The following LPP variants were observed in gnomAD, a reference collection of about 807,000 sequenced individuals.
LPP encodes the protein LIM domain containing preferred translocation partner in lipoma.
Under a neutral mutation model 60.4 loss-of-function variants are expected in LPP, and 38 were observed. The observed-to-expected ratio is 0.63, with a 90% CI of 0.49 to 0.83. The LOEUF (loss-of-function observed/expected upper bound fraction) is 0.83, where lower values mean the gene tolerates loss of function less well. Among genes scored for constraint, LPP ranks in the 40% least tolerant of loss-of-function variants. The pLI, the probability that LPP is intolerant of heterozygous loss-of-function variation, is 0.00. For missense variants in LPP, 902 were observed against 783.6 expected (o/e 1.15, Z -1.80); for synonymous variants, 328 against 290.8 (o/e 1.13, Z -1.30).
intron 5 of LPP, among the ~76,000 whole-genome samples, chr3:188,509,624 C>CCCTTCCTTCCTTCCTTCCTT (rs1166656652): frequency 8.6e-6 from 1 of 116,872 alleles, no homozygotes; most frequent in Non-Finnish European, 1.8e-5. Flanking sequence ...TTTTTTTGTC[C>CCCTTCCTTCCTTCCTTCCTT]CCTTCCTTCC....
intron 4 of LPP, among the ~76,000 whole-genome samples, chr3:188,412,113 A>G (rs1415265205): frequency 6.6e-6 from 1 of 152,122 alleles, no homozygotes; most frequent in Non-Finnish European, 1.5e-5. Flanking sequence ...GTGGCCTAGA[A>G]TTCACTTTCT....
At position 188,609,930 on chromosome 3, in the gene LPP, G is replaced by A. The variant is rs1843335449; in HGVS notation, c.1113+86G>A. On this transcript the variant is annotated intron_variant, in intron 7 of 11. Transcript: ENST00000617246. This position sits in a 1 kb window ranked among gnomAD's most constrained non-coding sequence, Gnocchi z 6.9. ...CCAGGAAGCGAAGCCTAAGGCAAAA[G>A]TGTGTGTGTTACTTTTATTTCACTG... is the stretch of plus-strand genomic sequence containing the variant. The A allele has an allele frequency of 3.1e-6, 4 of 1,278,046 alleles. No individual in the cohort carries two copies. Among genetic ancestry groups the A allele is most frequent in the Non-Finnish European group, 4.3e-6 (4 of 925,464 alleles). The allele number at this position is 1,278,046 out of a possible 1,614,324, so 79.2% of individuals were successfully genotyped here.
Position 188,888,000 on chromosome 3 carries a change from G to A in LPP, c.*13521G>A. On this transcript the variant is annotated 3_prime_UTR_variant, in exon 12 of 12. Transcript: ENST00000617246. ...ATAGAATTAAACATGACACTTGATTGTCTGATTATTTGGCATGTATAAAAT... is the reference window on the plus strand; with the variant it reads ...ATAGAATTAAACATGACACTTGATTATCTGATTATTTGGCATGTATAAAAT... 4.7e-6 allele frequency: 1 copy of A among 211,236 alleles called. No homozygotes were observed. 13.1% of individuals were successfully genotyped at this position (211,236 alleles called of 1,614,324 possible). A position where few individuals can be genotyped will look rare whatever the true frequency, so the allele number is the denominator to read the frequency against.
chr3:188,446,037 T>C (rs1795151132), intron 4 of LPP, among the ~76,000 whole-genome samples: 1 of 152,232 alleles, frequency 6.6e-6, no homozygotes, highest in Admixed American at 6.5e-5. Flanking sequence ...CTGTTTTTCT[T>C]TTTCAGTAAG....
intron 6 of LPP, among the ~76,000 whole-genome samples, chr3:188,541,827 G>T (rs1455137833): frequency 2.0e-5 from 3 of 152,070 alleles, no homozygotes; most frequent in Admixed American, 2.0e-4. Context: ...AACTCAGGAG[G>T]TGGATGTTGC....
intron 9 of LPP, among the ~76,000 whole-genome samples, chr3:188,805,191 A>G (rs1237523239): frequency 2.0e-5 from 3 of 152,162 alleles, no homozygotes; most frequent in Middle Eastern, 3.4e-3. Flanking sequence ...ATTTGTTATC[A>G]GTGCAGTGCT....
intron 8 of LPP, among the ~76,000 whole-genome samples, chr3:188,726,329 T>C (rs1054501137): frequency 1.3e-5 from 2 of 151,946 alleles, no homozygotes; most frequent in Non-Finnish European, 2.9e-5. Flanking sequence ...CTATCTTGGG[T>C]GGGTAATGAC....
chr3:188,609,232 G>A lies in LPP; in HGVS notation c.501G>A (p.Pro167=), dbSNP rs376374271. ...CAGGACACAAGAGAATGGTCATCCC[G>A]AACCAACCCCCTCTAACAGCAACCA... ...PVTGHKRMVI[P]NQPPLTATKK... is the part of the protein sequence containing the mutation. Residue 167 remains proline (P), a synonymous_variant, in exon 7 of 12, where the codon CCG becomes CCA. Transcript: ENST00000617246. This position sits in a 1 kb window ranked among gnomAD's most constrained non-coding sequence, Gnocchi z 6.9. 2.0e-5 allele frequency: 33 copies of A among 1,613,672 alleles called. No individual in the cohort carries two copies. The highest frequency in any genetic ancestry group is 2.2e-5 in the East Asian group (1 of 44,848).
At chr3:188,792,189 A>G (rs3915010) in intron 9 of LPP, among the ~76,000 whole-genome samples, 107,256 of 152,022 alleles carry the variant, frequency 0.71, 38,174 homozygotes, top group East Asian at 0.9. Context: ...ACGAGTTAAC[A>G]ACTTAACGCC....
At chr3:188,745,894 C>T (rs150888340) in intron 8 of LPP, among the ~76,000 whole-genome samples, 5 of 152,176 alleles carry the variant, frequency 3.3e-5, no homozygotes, top group African/African-American at 7.2e-5. Flanking sequence ...AACTGAGGCC[C>T]GTGGTGGTTA....
At chr3:188,166,477 T>TTGC (rs1391557937) in intron 1 of LPP, among the ~76,000 whole-genome samples, 1 of 152,204 alleles carries the variant, frequency 6.6e-6, no homozygotes, top group Non-Finnish European at 1.5e-5. Flanking sequence ...AATACTTATC[T>TTGC]TGCTGTTGCC....
intron 4 of LPP, among the ~76,000 whole-genome samples, chr3:188,413,781 T>C (rs1785466370): frequency 6.6e-6 from 1 of 152,170 alleles, no homozygotes; most frequent in Non-Finnish European, 1.5e-5. Context: ...CAGCCCTGGC[T>C]TGATGGTCAG....
chr3:188,294,445 C>T (rs576784849), intron 2 of LPP, among the ~76,000 whole-genome samples: 1 of 152,282 alleles, frequency 6.6e-6, no homozygotes, highest in East Asian at 1.9e-4. Flanking sequence ...GTTTTAAACT[C>T]ATATTGATTT....
chr3:188,319,769 A>G (rs985320727), intron 2 of LPP, among the ~76,000 whole-genome samples: 41 of 152,344 alleles, frequency 2.7e-4, no homozygotes, highest in African/African-American at 9.4e-4. Flanking sequence ...AGAAATTATC[A>G]TTGGTGTAAC....
chr3:188,807,082 C>T (rs1432695545), intron 9 of LPP, among the ~76,000 whole-genome samples: 1 of 149,152 alleles, frequency 6.7e-6, no homozygotes, highest in Admixed American at 6.8e-5. Context: ...TTTTAATTCT[C>T]CTTCATTTGA....
At chr3:188,793,788 G>A (rs927105436) in intron 9 of LPP, among the ~76,000 whole-genome samples, 2 of 152,062 alleles carry the variant, frequency 1.3e-5, no homozygotes, top group Non-Finnish European at 2.9e-5. Context: ...GTGGCAACCA[G>A]GTACATTAGT....
At chr3:188,822,086 T>A (rs747130414) in intron 9 of LPP, among the ~76,000 whole-genome samples, 8 of 152,100 alleles carry the variant, frequency 5.3e-5, no homozygotes, top group Admixed American at 1.3e-4. Flanking sequence ...TGTAATAATA[T>A]ACTGTCACAG....
At chr3:188,775,314 G>A (rs983902218) in intron 9 of LPP, among the ~76,000 whole-genome samples, 8 of 152,204 alleles carry the variant, frequency 5.3e-5, no homozygotes, top group Admixed American at 3.9e-4. Flanking sequence ...GCCTCCCAAG[G>A]TGCTGGGATT....
At chr3:188,331,130 T>C (rs1759947959) in intron 2 of LPP, among the ~76,000 whole-genome samples, 1 of 152,204 alleles carries the variant, frequency 6.6e-6, no homozygotes, top group Admixed American at 6.5e-5. Context: ...TTCTTGAGGA[T>C]GGTGCTATCT....
Sources: allele counts gnomAD v4.1 joint callset (sites outside exome capture counted in the v4.1 genomes callset), GRCh38; gene constraint gnomAD v4.1.1; non-coding constraint Gnocchi (gnomAD v3.1); transcripts MANE v1.5; gene names NCBI Gene and HGNC (gene_info 2026-07-23, HGNC 2026-07-21).